PITPNC1: variants seen among roughly 807,000 people sequenced by gnomAD.
The protein encoded by PITPNC1 is phosphatidylinositol transfer protein cytoplasmic 1.
PITPNC1 carries 18 observed loss-of-function variants against 44.7 expected under a neutral mutation model. The ratio of observed to expected loss-of-function variants is 0.40; its 90% CI spans 0.28 to 0.60. The LOEUF (loss-of-function observed/expected upper bound fraction) is 0.60, where lower values mean the gene tolerates loss of function less well. Ranked by LOEUF, PITPNC1 falls within the 20% of genes least tolerant of loss-of-function variation. The pLI, the probability that PITPNC1 is intolerant of heterozygous loss-of-function variation, is 0.39. For synonymous variants in PITPNC1, 141 were observed against 149.6 expected (o/e 0.94, Z 0.42); for missense variants, 290 against 418.4 (o/e 0.69, Z 2.68).
In PITPNC1 at chr17:67,617,142, A is replaced by C. The variant is rs191538995; in HGVS notation, c.367-15001A>C. Among the ~76,000 whole-genome samples, 28 of 152,348 alleles carry C rather than the reference A, an allele frequency of 1.8e-4. No homozygotes were observed. In the East Asian group the frequency reaches 5.2e-3, roughly 28 times the overall value. On this transcript the variant is annotated intron_variant, in intron 5 of 8. Transcript: ENST00000581322. Reference sequence around the variant, plus strand: ...TGAATATTTGGGACAGTGAGGCCTCAGGGAAGGCCAGCTTTTCTGGCTACA... The same window carrying C: ...TGAATATTTGGGACAGTGAGGCCTCCGGGAAGGCCAGCTTTTCTGGCTACA...
Position 67,639,455 on chromosome 17 carries a change from G to A in PITPNC1, c.462+7217G>A, listed in dbSNP as rs115556230. On this transcript the variant is annotated intron_variant, in intron 6 of 8. Transcript: ENST00000581322. ...CCCCTTTATTTTGGAGGATATAAAGGCCATCTTACTAGTGATAAATACAGC... is the reference window on the plus strand; with the variant it reads ...CCCCTTTATTTTGGAGGATATAAAGACCATCTTACTAGTGATAAATACAGC... Among the ~76,000 whole-genome samples the A allele has an allele frequency of 5.5e-3, 843 of 152,274 alleles. 12 individuals are homozygous for A. Among genetic ancestry groups the A allele is most frequent in the African/African-American group, 0.02 (818 of 41,556 alleles).
At chr17:67,681,904 G>T (rs2042715953) in intron 8 of PITPNC1, among the ~76,000 whole-genome samples, 1 of 151,932 alleles carries the variant, frequency 6.6e-6, no homozygotes, top group Non-Finnish European at 1.5e-5. Flanking sequence ...TTTTATTCTG[G>T]AATACACATG....
intron 5 of PITPNC1, among the ~76,000 whole-genome samples, chr17:67,620,764 C>T (rs1231686424): frequency 6.6e-6 from 1 of 152,186 alleles, no homozygotes; most frequent in East Asian, 1.9e-4. Context: ...TTCCTTTACT[C>T]AGCCTTAATA....
chr17:67,674,737 G>A (rs571705568), intron 7 of PITPNC1, among the ~76,000 whole-genome samples: 3 of 152,234 alleles, frequency 2.0e-5, no homozygotes, highest in African/African-American at 7.2e-5. Flanking sequence ...CTGTCGGCCA[G>A]GTGCGGTGGC....
chr17:67,690,419 G>A (rs966340816), intron 8 of PITPNC1, among the ~76,000 whole-genome samples: 2 of 145,122 alleles, frequency 1.4e-5, no homozygotes, highest in Non-Finnish European at 3.0e-5. Context: ...TTGCACTCCA[G>A]CCTGGGAGAC....
chr17:67,546,920 AAT>A (rs1225503683), intron 2 of PITPNC1, among the ~76,000 whole-genome samples: 1 of 152,234 alleles, frequency 6.6e-6, no homozygotes, highest in Non-Finnish European at 1.5e-5. Flanking sequence ...TAACTAAATG[AAT>A]CAGAGCAGCT....
At chr17:67,429,068 C>T (rs548591293) in intron 1 of PITPNC1, among the ~76,000 whole-genome samples, 22 of 151,970 alleles carry the variant, frequency 1.4e-4, no homozygotes, top group Non-Finnish European at 2.9e-4. Flanking sequence ...CTCGAACTCC[C>T]GACCTCAGGT....
intron 1 of PITPNC1, among the ~76,000 whole-genome samples, chr17:67,430,659 A>C (rs1157204766): frequency 6.6e-6 from 1 of 151,852 alleles, no homozygotes. Context: ...TCTCTAAACA[A>C]CAACAACAAA....
intron 1 of PITPNC1, among the ~76,000 whole-genome samples, chr17:67,424,841 C>T (rs1330738177): frequency 6.6e-6 from 1 of 151,972 alleles, no homozygotes; most frequent in East Asian, 2.0e-4. Context: ...CCAAGCTAAG[C>T]ATGTGACCTT....
intron 4 of PITPNC1, among the ~76,000 whole-genome samples, chr17:67,567,863 G>C (rs1279517630): frequency 1.3e-5 from 2 of 152,064 alleles, no homozygotes; most frequent in East Asian, 3.9e-4. Flanking sequence ...ATCCCAGCTA[G>C]TCTGGAGGCT....
At chr17:67,603,272 T>C (rs536057973) in intron 5 of PITPNC1, among the ~76,000 whole-genome samples, 10 of 150,994 alleles carry the variant, frequency 6.6e-5, no homozygotes, top group Admixed American at 4.6e-4. Flanking sequence ...AAAGAGGGTA[T>C]AGATTAGACT....
chr17:67,601,361 CA>C (rs1324500716), intron 5 of PITPNC1, among the ~76,000 whole-genome samples: 1 of 152,084 alleles, frequency 6.6e-6, no homozygotes, highest in African/African-American at 2.4e-5. Context: ...ACACAAGAAA[CA>C]AATGTGGGCC....
intron 8 of PITPNC1, among the ~76,000 whole-genome samples, chr17:67,690,303 C>A (rs2144476467): frequency 6.6e-6 from 1 of 152,098 alleles, no homozygotes; most frequent in South Asian, 2.1e-4. Context: ...CAAAAATTAG[C>A]CGGGCGTGGT....
intron 1 of PITPNC1, among the ~76,000 whole-genome samples, chr17:67,452,450 A>C (rs1464172701): frequency 6.6e-6 from 1 of 151,652 alleles, no homozygotes; most frequent in East Asian, 2.0e-4. Context: ...ATTTGTATAC[A>C]ATTCTTGGAT....
chr17:67,420,374 TCCTCCCTCCCCTCCCTC>T (rs1440035286), intron 1 of PITPNC1, among the ~76,000 whole-genome samples: 3 of 67,588 alleles, frequency 4.4e-5, no homozygotes, highest in East Asian at 5.3e-4. Flanking sequence ...CTTCCTTCCT[TCCTCCCTCCCCTCCCTC>T]CCTCCCTCCC....
At chr17:67,563,465 C>CTAACTA (rs2040932552) in intron 4 of PITPNC1, among the ~76,000 whole-genome samples, 1 of 152,130 alleles carries the variant, frequency 6.6e-6, no homozygotes, top group Non-Finnish European at 1.5e-5. Flanking sequence ...ATGTTAGGCC[C>CTAACTA]GTTGTAAAGT....
chr17:67,414,072 T>C lies in PITPNC1; in HGVS notation c.48+35870T>C, dbSNP rs115909155. Among the ~76,000 whole-genome samples the C allele has an allele frequency of 6.6e-3, 982 of 148,464 alleles. 9 individuals carry two copies. Among genetic ancestry groups the C allele is most frequent in the African/African-American group, 0.022 (889 of 39,772 alleles). ...AACCATGTTATGGTAACTTGGACTTTAATAAAAGGGAAATGAGTTTGAACT... is the reference window on the plus strand; with the variant it reads ...AACCATGTTATGGTAACTTGGACTTCAATAAAAGGGAAATGAGTTTGAACT... On this transcript the variant is annotated intron_variant, in intron 1 of 8. Coordinates refer to ENST00000581322, the MANE Select transcript of PITPNC1 (RefSeq NM_012417.4).
At chr17:67,496,039 A>C (rs904485679) in intron 1 of PITPNC1, among the ~76,000 whole-genome samples, 1 of 152,188 alleles carries the variant, frequency 6.6e-6, no homozygotes, top group Non-Finnish European at 1.5e-5. Flanking sequence ...TGGAAATTCC[A>C]AAATACAAAG....
chr17:67,572,478 G>GGT (rs1555668929), intron 4 of PITPNC1, among the ~76,000 whole-genome samples: 1 of 115,866 alleles, frequency 8.6e-6, no homozygotes, highest in Non-Finnish European at 1.8e-5. Flanking sequence ...CGGGGGGGGG[G>GGT]GGTAAAGAAG....
Sources: gnomAD v4.1 joint callset for allele counts (sites outside exome capture counted in the v4.1 genomes callset) on GRCh38, gnomAD v4.1.1 for gene constraint, MANE v1.5 for transcripts, NCBI Gene and HGNC (gene_info 2026-07-23, HGNC 2026-07-21) for gene names.